The following URB1 variants were observed in gnomAD, a reference collection of about 807,000 sequenced individuals.
The protein encoded by URB1 is nucleolar pre-ribosomal-associated protein 1.
A neutral mutation model predicts 242.3 loss-of-function variants in URB1; 197 were observed. The ratio of observed to expected loss-of-function variants is 0.81; its 90% confidence interval spans 0.72 to 0.91. URB1 has a LOEUF of 0.91. Ranked by LOEUF, URB1 falls within the 40% of genes least tolerant of loss-of-function variation. URB1 has a pLI of 0.00. For synonymous variants in URB1, 1,153 were observed against 1,201.8 expected (o/e 0.96, Z 0.84); for missense variants, 2,721 against 2,860.5 (o/e 0.95, Z 1.11).
intron 26 of URB1, 151 bp downstream of exon 26, chr21:32,338,556 G>T: frequency 2.2e-6 from 2 of 909,166 alleles, no homozygotes; most frequent in South Asian, 3.2e-5. Context: ...CTTCACCCTG[G>T]ATTTGACAGA....
At chr21:32,368,255 G>T (rs1309708028) in intron 9 of URB1, 148 bp downstream of exon 9, 6 of 588,642 alleles carry the variant, frequency 1.0e-5, no homozygotes, top group Non-Finnish European at 5.5e-6. Flanking sequence ...TTTAGTAAGA[G>T]ACAGGTTTCG....
At chr21:32,369,962 C>A (rs1260544868) in intron 8 of URB1, among the ~76,000 whole-genome samples, 1 of 126,980 alleles carries the variant, frequency 7.9e-6, no homozygotes, top group Non-Finnish European at 1.6e-5. Context: ...AACAACAGAG[C>A]GAGTCTCCAT....
Position 32,392,649 on chromosome 21 carries a change from G to C in URB1, c.142+120C>G, listed in dbSNP as rs892958418. On this transcript the variant is annotated intron_variant, in intron 1 of 38. Coordinates refer to ENST00000382751, the MANE Select transcript of URB1 (RefSeq NM_014825.3). ...CTGAACCTCAGTTTTCTGCAAACCA[G>C]AGGCTTGCCACTGAGCCTATGTGAC... 1.9e-5 allele frequency: 24 copies of C among 1,260,486 alleles called. No individual in the cohort carries two copies. The Admixed American group carries it at 7.7e-4, about 41-fold the overall frequency. The allele number at this position is 1,260,486 out of a possible 1,614,324, so 78.1% of individuals were successfully genotyped here.
intron 11 of URB1, 74 bp from the exon 12 acceptor site, chr21:32,362,095 C>A: frequency 3.3e-6 from 5 of 1,504,278 alleles, no homozygotes; most frequent in Admixed American, 2.2e-5. Flanking sequence ...AACACATTAA[C>A]AAGATGCAAA....
intron 5 of URB1, among the ~76,000 whole-genome samples, chr21:32,376,090 T>C (rs1339463459): frequency 2.0e-5 from 3 of 152,256 alleles, no homozygotes; most frequent in Non-Finnish European, 4.4e-5. Context: ...TTTTCTCATA[T>C]TAAAATTAAC....
chr21:32,357,472 A>G (rs1379074103), intron 15 of URB1, 65 bp downstream of exon 15: 1 of 1,377,672 alleles, frequency 7.3e-7, no homozygotes. Flanking sequence ...TTAACTAAAC[A>G]CTTACCATAA....
intron 6 of URB1, among the ~76,000 whole-genome samples, chr21:32,374,983 C>G (rs919306991): frequency 1.1e-4 from 17 of 152,208 alleles, no homozygotes; most frequent in African/African-American, 3.9e-4. Flanking sequence ...AGGCAGTGAT[C>G]TTTTTAGCAA....
intron 28 of URB1, 114 bp from the exon 29 acceptor site, chr21:32,334,448 T>C: frequency 2.4e-6 from 3 of 1,247,714 alleles, no homozygotes; most frequent in Non-Finnish European, 3.3e-6. Context: ...CCAGGTGCTG[T>C]TCTGAGCATG....
chr21:32,334,465 G>A, intron 28 of URB1, 131 bp from the exon 29 acceptor site: 1 of 1,067,992 alleles, frequency 9.4e-7, no homozygotes, highest in Non-Finnish European at 1.3e-6. Context: ...CATGCGACGT[G>A]TTATATCACT....
intron 4 of URB1, among the ~76,000 whole-genome samples, chr21:32,381,967 T>C (rs1368670079): frequency 6.6e-6 from 1 of 152,232 alleles, no homozygotes; most frequent in African/African-American, 2.4e-5. Context: ...AAGATACTTA[T>C]TACAGATTAC....
intron 4 of URB1, among the ~76,000 whole-genome samples, chr21:32,380,472 T>G (rs377225408): frequency 6.6e-5 from 10 of 152,332 alleles, no homozygotes; most frequent in African/African-American, 2.4e-4. Flanking sequence ...GTGCTGAGAA[T>G]GTGCAGCACT....
chr21:32,366,539 T>C lies in URB1; in HGVS notation c.1335+79A>G, dbSNP rs1186358746. The C allele has an allele frequency of 5.2e-6, 8 of 1,526,766 alleles. No homozygotes were observed. The East Asian group carries it at 1.5e-4, about 28-fold the overall frequency. 94.6% of individuals were successfully genotyped at this position (1,526,766 alleles called of 1,614,324 possible). A position where few individuals can be genotyped will look rare whatever the true frequency, so the allele number is the denominator to read the frequency against. On this transcript the variant is annotated intron_variant, in intron 10 of 38. Transcript: ENST00000382751. ...ACACAATCAAACACATCCAGGCCAG[T>C]TCTCAGAATAATCACATCATGTAGC...
Position 32,317,016 on chromosome 21 carries a change from G to A in URB1, c.6084C>T (p.Gly2028=), listed in dbSNP as rs1009255607. Residue 2028 remains glycine (G), a synonymous_variant, in exon 38 of 39, where the codon GGC becomes GGT. Transcript: ENST00000382751. ...NKPVMPARAK[G]PRGRKRRPGE... is the part of the protein sequence containing the mutation. The stretch of plus-strand genomic sequence containing the variant: ...CAGGCCTCCTCTTTCGGCCCCGTGG[G>A]CCTTTGGCTCGGGCTGGCATGACAG... The A allele has an allele frequency of 6.5e-7, 1 of 1,550,036 alleles. No individual in the cohort carries two copies. Among genetic ancestry groups the A allele is most frequent in the African/African-American group, 1.4e-5 (1 of 72,936 alleles).
chr21:32,384,576 TG>T, intron 2 of URB1, 112 bp from the exon 3 acceptor site: 1 of 1,370,630 alleles, frequency 7.3e-7, no homozygotes, highest in Non-Finnish European at 9.8e-7. Flanking sequence ...GCCTTCAACA[TG>T]CAGGATGACG....
chr21:32,337,513 T>C lies in URB1; in HGVS notation c.4512A>G (p.Glu1504=), dbSNP rs2032975186. Residue 1504 remains glutamate, a splice_region_variant and synonymous_variant, in exon 27 of 39, where the codon GAA becomes GAG. Coordinates refer to ENST00000382751, the MANE Select transcript of URB1 (RefSeq NM_014825.3). Reference sequence around the variant, plus strand: ...CCGTCAGCATCAGGTCCACCAGCGCTTCTGCAAGAAAACAACCCTGAAACA... The same window carrying C: ...CCGTCAGCATCAGGTCCACCAGCGCCTCTGCAAGAAAACAACCCTGAAACA... The part of the protein sequence containing the change: ...GEESPDSQVK[E]ALVDLMLTVV... 2 of 1,551,136 alleles carry C rather than the reference T, an allele frequency of 1.3e-6. No homozygotes were observed. Among genetic ancestry groups the C allele is most frequent in the Non-Finnish European group, 1.7e-6 (2 of 1,146,852 alleles).
At chr21:32,369,528 T>C (rs1345618335) in intron 8 of URB1, among the ~76,000 whole-genome samples, 3 of 152,146 alleles carry the variant, frequency 2.0e-5, no homozygotes, top group Non-Finnish European at 4.4e-5. Context: ...GGCGTGACCA[T>C]AGCTCACTGC....
chr21:32,378,979 A>C (rs917834987), intron 4 of URB1, among the ~76,000 whole-genome samples: 2 of 152,264 alleles, frequency 1.3e-5, no homozygotes, highest in African/African-American at 4.8e-5. Context: ...GCTTTTGGTG[A>C]GACACCAATG....
intron 24 of URB1, among the ~76,000 whole-genome samples, chr21:32,343,830 T>G (rs1352106484): frequency 6.6e-6 from 1 of 151,766 alleles, no homozygotes; most frequent in Non-Finnish European, 1.5e-5. Context: ...TACAAGAAAC[T>G]TGAATAAAAC....
chr21:32,312,311 T>C lies in URB1; in HGVS notation c.*2607A>G. ...GAAAAGCTGTTTGCTTACTAATCTT[T>C]ACTATGCCACTTTACCATTACTGTG... On this transcript the variant is annotated 3_prime_UTR_variant, in exon 39 of 39. Coordinates refer to ENST00000382751, the MANE Select transcript of URB1 (RefSeq NM_014825.3). 7.7e-7 allele frequency: 1 copy of C among 1,299,852 alleles called. No individual in the cohort carries two copies. The highest frequency in any genetic ancestry group is 9.9e-7 in the Non-Finnish European group (1 of 1,014,652). The allele number at this position is 1,299,852 out of a possible 1,614,324, so 80.5% of individuals were successfully genotyped here.
Sources: gnomAD v4.1 joint callset for allele counts (sites outside exome capture counted in the v4.1 genomes callset) on GRCh38, gnomAD v4.1.1 for gene constraint, MANE v1.5 for transcripts, NCBI Gene and HGNC (gene_info 2026-07-23, HGNC 2026-07-21) for gene names.